The following CFAP20DC variants were observed in gnomAD, a reference collection of about 807,000 sequenced individuals.
CFAP20DC encodes the protein CFAP20 domain containing, also known as protein CFAP20DC.
In CFAP20DC, 84 loss-of-function variants were observed where a neutral mutation model predicts 101.7. The ratio of observed to expected loss-of-function variants is 0.83; its 90% CI spans 0.69 to 0.99. The LOEUF is 0.99. Ranked by LOEUF, CFAP20DC falls within the 50% of genes least tolerant of loss-of-function variation. The pLI, the probability that CFAP20DC is intolerant of heterozygous loss-of-function variation, is 0.00. For missense variants in CFAP20DC, 1,007 were observed against 970.3 expected, an observed-to-expected ratio of 1.04 and a Z score of -0.50; for synonymous variants, 359 against 351.2, an observed-to-expected ratio of 1.02 and a Z score of -0.25.
At chr3:58,762,504 G>C (rs981162790) in intron 15 of CFAP20DC, among the ~76,000 whole-genome samples, 12 of 152,114 alleles carry the variant, frequency 7.9e-5, no homozygotes, top group African/African-American at 2.4e-4. Flanking sequence ...TTGCCAGTCT[G>C]TGTCTTTTAA....
rs1385823107 is a variant in CFAP20DC at position 58,788,852 on chromosome 3, T to G, written c.2237+17543A>C. On this transcript the variant is annotated intron_variant, in intron 15 of 16. Transcript: ENST00000482387. The surrounding 1 kb of genome is among the most constrained non-coding windows in gnomAD (Gnocchi z 4.2). ...ATTAAATAAACTAGTCATCCCTCAG[T>G]AGGAGTGGGGATTAGGTTTCAGTTC... 6.6e-6 allele frequency among the ~76,000 whole-genome samples: 1 copy of G among 152,040 alleles called. No homozygotes were observed. The highest frequency in any genetic ancestry group is 2.4e-5 in the African/African-American group (1 of 41,410).
In CFAP20DC at chr3:58,882,385, T is replaced by C. The variant is rs2081292649; in HGVS notation, c.715+2160A>G. Among the ~76,000 whole-genome samples, 1 of 152,148 alleles carries C rather than the reference T, an allele frequency of 6.6e-6. No individual in the cohort carries two copies. The highest frequency in any genetic ancestry group is 6.6e-5 in the Admixed American group (1 of 15,266). On this transcript the variant is annotated intron_variant, in intron 7 of 16. Transcript: ENST00000482387. The surrounding 1 kb of genome is among the most constrained non-coding windows in gnomAD (Gnocchi z 4.2). ...TCAAATTTAAATTGAAAAAGACACT[T>C]AAAATATCGGGATATAGACTTGCAC...
Position 58,863,701 on chromosome 3 carries a change from GTC to G in CFAP20DC, c.1448_1449del (p.Arg483ThrfsTer27). 1.2e-6 allele frequency: 2 copies of G among 1,614,152 alleles called. No homozygotes were observed. The highest frequency in any genetic ancestry group is 1.7e-6 in the Non-Finnish European group (2 of 1,180,038). On this transcript the variant is annotated frameshift_variant, in exon 12 of 17. Coordinates refer to ENST00000482387, the MANE Select transcript of CFAP20DC (RefSeq NM_001394063.1). LOFTEE classifies it high-confidence loss of function. The surrounding 1 kb of genome is among the most constrained non-coding windows in gnomAD (Gnocchi z 5.9). ...GTCTTTCCATGAGGTGCTGATCGTG[GTC>G]TTGATGAAAAAGTGAAAATGTCCTT... Reference protein sequence around the residue: ...VPKDIFTFSSRPRSAPHGKTQ... With the variant: ...VPKDIFTFSSXPRSAPHGKTQ...
At chr3:58,969,298 C>T (rs950419182) in intron 4 of CFAP20DC, among the ~76,000 whole-genome samples, 4 of 152,154 alleles carry the variant, frequency 2.6e-5, no homozygotes, top group African/African-American at 7.2e-5. Context: ...TACCATTTCG[C>T]ACCCACTGGG....
chr3:58,978,294 C>T (rs987514694), intron 4 of CFAP20DC, among the ~76,000 whole-genome samples: 3 of 152,128 alleles, frequency 2.0e-5, no homozygotes, highest in Non-Finnish European at 4.4e-5. Context: ...TCTTTCTACG[C>T]GTCAAGAGAG....
intron 15 of CFAP20DC, among the ~76,000 whole-genome samples, chr3:58,761,099 C>T (rs575653351): frequency 2.0e-5 from 3 of 152,158 alleles, no homozygotes; most frequent in Non-Finnish European, 4.4e-5. Flanking sequence ...GGAATAGTTT[C>T]AGAAGGAATG....
At chr3:59,043,647 G>A (rs1325168319) in intron 3 of CFAP20DC, among the ~76,000 whole-genome samples, 1 of 151,800 alleles carries the variant, frequency 6.6e-6, no homozygotes, top group African/African-American at 2.4e-5. Context: ...GCCACAGGCA[G>A]AGAAAACAAT....
chr3:58,941,963 A>G (rs2088667174), intron 4 of CFAP20DC, among the ~76,000 whole-genome samples: 1 of 152,204 alleles, frequency 6.6e-6, no homozygotes, highest in Admixed American at 6.5e-5. Flanking sequence ...CACAGGGAGA[A>G]AGTGTTCATT....
At chr3:59,025,053 A>C (rs970408830) in intron 4 of CFAP20DC, among the ~76,000 whole-genome samples, 1 of 152,262 alleles carries the variant, frequency 6.6e-6, no homozygotes, top group African/African-American at 2.4e-5. Context: ...ATTCATTGGA[A>C]GTCTATCTGT....
At chr3:58,817,519 C>T (rs1341416908) in intron 14 of CFAP20DC, among the ~76,000 whole-genome samples, 2 of 145,422 alleles carry the variant, frequency 1.4e-5, no homozygotes, top group Admixed American at 7.0e-5. Flanking sequence ...CCGATGCGAT[C>T]AACTGGAAGA....
intron 5 of CFAP20DC, among the ~76,000 whole-genome samples, chr3:58,917,121 T>C (rs2084818172): frequency 6.6e-6 from 1 of 152,252 alleles, no homozygotes; most frequent in East Asian, 1.9e-4. Flanking sequence ...TTCTATTTAG[T>C]ATGTTGCTTG....
intron 15 of CFAP20DC, among the ~76,000 whole-genome samples, chr3:58,786,766 C>T (rs1001753678): frequency 6.3e-5 from 9 of 141,900 alleles, no homozygotes; most frequent in Admixed American, 1.5e-4. Flanking sequence ...CAAAAGTTCC[C>T]GACTTAATAA....
At chr3:58,891,209 G>A (rs1344520525) in intron 6 of CFAP20DC, among the ~76,000 whole-genome samples, 7 of 152,120 alleles carry the variant, frequency 4.6e-5, no homozygotes, top group Admixed American at 3.3e-4. Flanking sequence ...GATCACTCGC[G>A]GTTAGGGGCT....
intron 15 of CFAP20DC, among the ~76,000 whole-genome samples, chr3:58,773,011 T>G (rs2070994345): frequency 6.6e-6 from 1 of 151,982 alleles, no homozygotes; most frequent in Admixed American, 6.6e-5. Context: ...TGAATTTTTT[T>G]TACTCCTTTT....
chr3:58,893,582 A>G (rs1442205282), intron 6 of CFAP20DC, among the ~76,000 whole-genome samples: 1 of 152,126 alleles, frequency 6.6e-6, no homozygotes, highest in Non-Finnish European at 1.5e-5. Context: ...CATCAAGGAT[A>G]TTGGCCTTAA....
rs2075308623 is a variant in CFAP20DC at position 58,817,787 on chromosome 3, G to T, written c.2176-11331C>A. ...AACGTTCAGATTCAGGAAATACAGA[G>T]AATGCCACAAAGATACTCCTCAAGA... On this transcript the variant is annotated intron_variant, in intron 14 of 16. Transcript: ENST00000482387. Among the ~76,000 whole-genome samples, 5 of 152,068 alleles carry T rather than the reference G, an allele frequency of 3.3e-5. No homozygotes were observed. In the South Asian group the frequency reaches 1.0e-3, roughly 32 times the overall value.
intron 4 of CFAP20DC, among the ~76,000 whole-genome samples, chr3:58,995,236 C>T (rs909973113): frequency 3.3e-5 from 5 of 152,062 alleles, no homozygotes; most frequent in South Asian, 4.2e-4. Context: ...CTATAGGTTT[C>T]CTCCATAATT....
intron 7 of CFAP20DC, 114 bp from the exon 8 acceptor site, chr3:58,870,423 C>G: frequency 1.0e-6 from 1 of 980,922 alleles, no homozygotes; most frequent in Non-Finnish European, 1.6e-6. Context: ...ATCCCCCCTC[C>G]CCCCTCAGCA....
chr3:59,041,387 T>G (rs889095841), intron 3 of CFAP20DC, among the ~76,000 whole-genome samples: 1 of 152,076 alleles, frequency 6.6e-6, no homozygotes, highest in Non-Finnish European at 1.5e-5. Context: ...ACTTCTAAGA[T>G]TAAAAGAAAT....
Sources: allele counts gnomAD v4.1 joint callset (sites outside exome capture counted in the v4.1 genomes callset), GRCh38; gene constraint gnomAD v4.1.1; non-coding constraint Gnocchi (gnomAD v3.1); transcripts MANE v1.5; gene names NCBI Gene and HGNC (gene_info 2026-07-23, HGNC 2026-07-21).